WWOX: variants seen among roughly 807,000 people sequenced by gnomAD.
WWOX encodes the protein WW domain-containing oxidoreductase.
A neutral mutation model predicts 46.2 loss-of-function variants in WWOX; 69 were observed. The ratio of observed to expected loss-of-function variants is 1.49; its 90% CI spans 1.23 to 1.82. WWOX has a LOEUF of 1.82. Among genes scored for constraint, WWOX ranks in the 40% most tolerant of loss-of-function variants. The probability of loss-of-function intolerance (pLI) is 0.00; values close to 1 mark genes in which losing one functional copy is unlikely to be tolerated. For synonymous variants in WWOX, 359 were observed against 202.6 expected (o/e 1.77, Z -6.56); for missense variants, 919 against 542.6 (o/e 1.69, Z -6.89).
chr16:78,387,034 G>C (rs2082075266), intron 6 of WWOX, 86 bp downstream of exon 6: 2 of 1,382,252 alleles, frequency 1.4e-6, no homozygotes, highest in Non-Finnish European at 2.1e-6. Flanking sequence ...GAGAATGCAA[G>C]GCTGTTGTGT....
chr16:78,116,438 T>A (rs1344968226), intron 4 of WWOX, among the ~76,000 whole-genome samples: 10 of 152,230 alleles, frequency 6.6e-5, no homozygotes, highest in Admixed American at 6.5e-4. Flanking sequence ...GTGGAGAATT[T>A]TTTTACTGTA....
intron 8 of WWOX, among the ~76,000 whole-genome samples, chr16:79,006,215 A>G (rs796807017): frequency 7.9e-5 from 12 of 152,336 alleles, no homozygotes; most frequent in African/African-American, 2.6e-4. Context: ...AAGACTTCCC[A>G]GTCTTTAAGG....
intron 8 of WWOX, among the ~76,000 whole-genome samples, chr16:78,674,643 C>G (rs551933397): frequency 7.2e-5 from 11 of 152,246 alleles, no homozygotes; most frequent in African/African-American, 2.4e-4. Context: ...ACACTTCTGG[C>G]CACCTGCCTT....
chr16:79,186,776 C>T (rs1195771183), intron 8 of WWOX, among the ~76,000 whole-genome samples: 5 of 152,082 alleles, frequency 3.3e-5, no homozygotes, highest in East Asian at 1.9e-4. Flanking sequence ...CCAATCCTCA[C>T]GCTAGCATTT....
chr16:78,424,120 GTTTT>G (rs565162154), intron 6 of WWOX, among the ~76,000 whole-genome samples: 4 of 108,062 alleles, frequency 3.7e-5, no homozygotes, highest in East Asian at 2.5e-4. Flanking sequence ...TTTTTTTTTT[GTTTT>G]TTTTTTTTTT....
chr16:79,052,260 G>A (rs185203813), intron 8 of WWOX, among the ~76,000 whole-genome samples: 168 of 144,208 alleles, frequency 1.2e-3, no homozygotes, highest in African/African-American at 3.3e-3. Flanking sequence ...TCATTGTTCA[G>A]TTGTCACCTA....
intron 8 of WWOX, among the ~76,000 whole-genome samples, chr16:79,019,188 A>G (rs111818578): frequency 4.9e-5 from 3 of 60,936 alleles, no homozygotes; most frequent in African/African-American, 1.2e-4. Flanking sequence ...AAAAAAAAGA[A>G]AAAAAAAAGT....
chr16:78,710,339 A>C (rs1031080246), intron 8 of WWOX, among the ~76,000 whole-genome samples: 4 of 151,278 alleles, frequency 2.6e-5, no homozygotes, highest in African/African-American at 9.7e-5. Context: ...AGCTGCTTCT[A>C]GCCGCTCCAT....
chr16:79,072,916 T>G (rs1006817854), intron 8 of WWOX, among the ~76,000 whole-genome samples: 5 of 152,184 alleles, frequency 3.3e-5, no homozygotes, highest in Non-Finnish European at 5.9e-5. Flanking sequence ...GTTGCCACTT[T>G]CAGCTAAGTG....
At chr16:78,215,132 TTGAC>T (rs769863623) in intron 5 of WWOX, among the ~76,000 whole-genome samples, 9 of 152,152 alleles carry the variant, frequency 5.9e-5, no homozygotes, top group Non-Finnish European at 1.2e-4. Flanking sequence ...GCTTTGCTCT[TTGAC>T]TGTGTGCTGT....
At chr16:78,458,682 A>G (rs969959365) in intron 8 of WWOX, among the ~76,000 whole-genome samples, 1 of 152,174 alleles carries the variant, frequency 6.6e-6, no homozygotes, top group African/African-American at 2.4e-5. Context: ...ATTTTTTAGC[A>G]TTAATATTAG....
chr16:79,137,280 A>T (rs1177941077), intron 8 of WWOX, among the ~76,000 whole-genome samples: 1 of 152,214 alleles, frequency 6.6e-6, no homozygotes, highest in Non-Finnish European at 1.5e-5. Context: ...GAAGAAAATG[A>T]TGGTATCACA....
intron 8 of WWOX, among the ~76,000 whole-genome samples, chr16:79,079,957 G>GTT (rs1597355478): frequency 1.3e-5 from 2 of 150,368 alleles, no homozygotes; most frequent in Non-Finnish European, 3.0e-5. Context: ...TGCTGATTAA[G>GTT]ATTTCAGATT....
intron 7 of WWOX, among the ~76,000 whole-genome samples, 197 bp downstream of exon 7, chr16:78,425,252 G>T (rs975661908): frequency 6.6e-6 from 1 of 152,074 alleles, no homozygotes; most frequent in African/African-American, 2.4e-5. Flanking sequence ...GGACTTTCTA[G>T]AGCAAGGAAG....
intron 8 of WWOX, among the ~76,000 whole-genome samples, chr16:78,755,353 T>C: frequency 6.6e-6 from 1 of 152,096 alleles, no homozygotes; most frequent in East Asian, 1.9e-4. Flanking sequence ...GAAAATGCAG[T>C]GGGTAGCCCA....
chr16:78,252,518 C>G (rs907366658), intron 5 of WWOX, among the ~76,000 whole-genome samples: 2 of 152,230 alleles, frequency 1.3e-5, no homozygotes, highest in African/African-American at 4.8e-5. Flanking sequence ...AACAAGTACA[C>G]TAGCAAACAC....
chr16:78,421,056 A>G (rs961964601), intron 6 of WWOX, among the ~76,000 whole-genome samples: 1 of 152,096 alleles, frequency 6.6e-6, no homozygotes, highest in African/African-American at 2.4e-5. Flanking sequence ...TAATTTTATA[A>G]TTTTAGTTGA....
At chr16:78,743,171 G>A (rs2049271904) in intron 8 of WWOX, among the ~76,000 whole-genome samples, 1 of 152,068 alleles carries the variant, frequency 6.6e-6, no homozygotes, top group African/African-American at 2.4e-5. Flanking sequence ...TCAGTTCCCA[G>A]GCAAGGTTCA....
intron 8 of WWOX, among the ~76,000 whole-genome samples, chr16:78,681,731 C>G (rs531434511): frequency 6.6e-6 from 1 of 152,306 alleles, no homozygotes; most frequent in African/African-American, 2.4e-5. Flanking sequence ...GTGAATGGGA[C>G]AGTTTCCAAT....
Sources: gnomAD v4.1 joint callset for allele counts (sites outside exome capture counted in the v4.1 genomes callset) on GRCh38, gnomAD v4.1.1 for gene constraint, MANE v1.5 for transcripts, NCBI Gene and HGNC (gene_info 2026-07-23, HGNC 2026-07-21) for gene names.